The following YTHDC2 variants were observed in gnomAD, a reference collection of about 807,000 sequenced individuals.
YTHDC2 encodes the protein 3'-5' RNA helicase YTHDC2.
YTHDC2 carries 45 observed loss-of-function variants against 174.9 expected under a neutral mutation model. That is an observed-to-expected ratio of 0.26 (90% CI 0.20 to 0.33). The LOEUF is 0.33. YTHDC2 is among the 10% of genes least tolerant of loss of function. The probability of loss-of-function intolerance (pLI) is 1.00; values close to 1 mark genes in which losing one functional copy is unlikely to be tolerated. For missense variants in YTHDC2, 1,650 were observed against 1,723.7 expected, an observed-to-expected ratio of 0.96 and a Z score of 0.76; for synonymous variants, 657 against 574.5, an observed-to-expected ratio of 1.14 and a Z score of -2.05.
chr5:113,589,417 ATATATATATATATATG>A (rs1041547358), intron 26 of YTHDC2, among the ~76,000 whole-genome samples: 4 of 140,694 alleles, frequency 2.8e-5, no homozygotes, highest in African/African-American at 1.1e-4. Flanking sequence ...AAATATATAT[ATATATATATATATATG>A]TATATATATC....
intron 25 of YTHDC2, 107 bp downstream of exon 25, chr5:113,581,816 A>C: frequency 1.0e-6 from 1 of 986,030 alleles, no homozygotes; most frequent in Non-Finnish European, 1.4e-6. Context: ...ACTTTTTTAT[A>C]ATCTAAGATC....
intron 10 of YTHDC2, among the ~76,000 whole-genome samples, chr5:113,545,530 T>A (rs1303113526): frequency 1.3e-4 from 19 of 151,838 alleles, no homozygotes; most frequent in Admixed American, 1.2e-3. Flanking sequence ...TAGATACTTC[T>A]AATATGCCCC....
chr5:113,526,434 C>T, intron 3 of YTHDC2, 152 bp from the exon 4 acceptor site: 2 of 497,348 alleles, frequency 4.0e-6, no homozygotes, highest in South Asian at 8.1e-5. Flanking sequence ...TTTATGTAGA[C>T]TGAGTAGAGA....
At chr5:113,543,137 C>G (rs1775603263) in intron 10 of YTHDC2, among the ~76,000 whole-genome samples, 1 of 152,166 alleles carries the variant, frequency 6.6e-6, no homozygotes, top group Non-Finnish European at 1.5e-5. Flanking sequence ...TGACCCCTAA[C>G]TTTACATCTC....
chr5:113,589,425 A>ATG (rs1778889256), intron 26 of YTHDC2, among the ~76,000 whole-genome samples: 3 of 142,884 alleles, frequency 2.1e-5, no homozygotes, highest in African/African-American at 7.9e-5. Flanking sequence ...ATATATATAT[A>ATG]TATATATGTA....
intron 2 of YTHDC2, among the ~76,000 whole-genome samples, chr5:113,515,769 A>G (rs551164022): frequency 6.6e-6 from 1 of 152,338 alleles, no homozygotes; most frequent in South Asian, 2.1e-4. Flanking sequence ...AGAACAATGA[A>G]TTTATTTAAA....
At chr5:113,541,882 A>G (rs550032460) in intron 9 of YTHDC2, among the ~76,000 whole-genome samples, 35 of 152,194 alleles carry the variant, frequency 2.3e-4, no homozygotes, top group African/African-American at 8.2e-4. Context: ...ATGGAACAGC[A>G]TTTTGACCAT....
In YTHDC2 at chr5:113,584,422, AGACAGCAGT is replaced by A. The variant is rs1778565152; in HGVS notation, c.3769_3777del (p.Asp1257_Ser1259del). On this transcript the variant is annotated inframe_deletion, in exon 26 of 30. Coordinates refer to ENST00000161863, the MANE Select transcript of YTHDC2 (RefSeq NM_022828.5). ...CAGATCAGTCTTCTCTGAAATCTAC[AGACAGCAGT>A]AGTTACCCAAGTCCTTGTGCTAGTC... The A allele has an allele frequency of 6.2e-7, 1 of 1,613,722 alleles. No individual in the cohort carries two copies. The highest frequency in any genetic ancestry group is 1.1e-5 in the South Asian group (1 of 91,048).
intron 23 of YTHDC2, among the ~76,000 whole-genome samples, chr5:113,571,108 C>G (rs968663409): frequency 6.6e-6 from 1 of 152,164 alleles, no homozygotes; most frequent in African/African-American, 2.4e-5. Context: ...ATGATACTGG[C>G]TGTGGGTTTG....
chr5:113,536,634 A>T (rs1775095581), intron 7 of YTHDC2, among the ~76,000 whole-genome samples: 1 of 152,142 alleles, frequency 6.6e-6, no homozygotes, highest in Admixed American at 6.6e-5. Flanking sequence ...TCCATGTCCT[A>T]CTTTTCTGAT....
At chr5:113,570,297 A>G (rs1215955777) in intron 23 of YTHDC2, among the ~76,000 whole-genome samples, 3 of 151,980 alleles carry the variant, frequency 2.0e-5, no homozygotes. Context: ...GGGTCTCACC[A>G]TGTTGGGCAG....
chr5:113,537,353 C>T (rs990865518), intron 7 of YTHDC2, among the ~76,000 whole-genome samples: 4 of 128,638 alleles, frequency 3.1e-5, no homozygotes, highest in African/African-American at 1.4e-4. Context: ...TTATGGTTGG[C>T]TCTCTCTCTT....
chr5:113,516,346 T>C (rs888397801), intron 2 of YTHDC2, among the ~76,000 whole-genome samples: 2 of 152,136 alleles, frequency 1.3e-5, no homozygotes, highest in East Asian at 1.9e-4. Context: ...CAGGAGGAAA[T>C]TGTTTTGTTT....
intron 25 of YTHDC2, chr5:113,582,506 T>A (rs1196905259): frequency 6.6e-6 from 1 of 152,216 alleles, no homozygotes; most frequent in Non-Finnish European, 1.5e-5. Context: ...AAAACATTTG[T>A]TAGAATCAAA....
intron 26 of YTHDC2, among the ~76,000 whole-genome samples, chr5:113,587,511 A>ATATATAATATATAT (rs1778754081): frequency 7.4e-6 from 1 of 134,964 alleles, no homozygotes; most frequent in Non-Finnish European, 1.5e-5. Flanking sequence ...TAATGTATTT[A>ATATATAATATATAT]TATGTAATAT....
rs1778178332 is a variant in YTHDC2 at position 113,578,136 on chromosome 5, A to G, written c.3245-1450A>G. ...ATTGATTATAATGTTAATTTTAATA[A>G]AAGTGTCCCTTTTAAATAACGGAAT... On this transcript the variant is annotated intron_variant, in intron 23 of 29. Coordinates refer to ENST00000161863, the MANE Select transcript of YTHDC2 (RefSeq NM_022828.5). Among the ~76,000 whole-genome samples the G allele has an allele frequency of 2.6e-5, 4 of 152,240 alleles. No individual in the cohort carries two copies. The South Asian group carries it at 8.3e-4, about 32-fold the overall frequency.
intron 4 of YTHDC2, among the ~76,000 whole-genome samples, chr5:113,531,364 G>A (rs1172100694): frequency 7.9e-5 from 12 of 152,092 alleles, no homozygotes; most frequent in East Asian, 1.9e-4. Context: ...ATCAGCCAGC[G>A]AAGCTCACAT....
rs1400162646 is a variant in YTHDC2 at position 113,535,738 on chromosome 5, A to G, written c.1042A>G (p.Ser348Gly). Residue 348 changes from serine (S) to glycine (G), a missense_variant, in exon 7 of 30, where the codon AGT becomes GGT. Transcript: ENST00000161863. ...CCCAACTTTGAAACTAATTCTTTCT[A>G]GTGCTGCCTTGGATGTAAATCTCTT... Reference protein sequence around the residue: ...KHPTLKLILSSAALDVNLFIR... With the variant: ...KHPTLKLILSGAALDVNLFIR... 3 of 1,613,746 alleles carry G rather than the reference A, an allele frequency of 1.9e-6. No individual in the cohort carries two copies. The South Asian group carries it at 3.3e-5, about 18-fold the overall frequency.
rs1276345429 is a variant in YTHDC2, at chr5:113,525,169, T to G, written c.467T>G (p.Val156Gly). The G allele has an allele frequency of 1.3e-6, 2 of 1,593,938 alleles. No homozygotes were observed. Among genetic ancestry groups the G allele is most frequent in the Non-Finnish European group, 1.7e-6 (2 of 1,172,426 alleles). The change falls in exon 3 of 30, where the codon GTT becomes GGT. Residue 156 changes from valine to glycine, a missense_variant. Coordinates refer to ENST00000161863, the MANE Select transcript of YTHDC2 (RefSeq NM_022828.5). ...PKTERGNVFA[V>G]EAENREMSKT... Reference sequence around the variant, plus strand: ...ACAGAAAGAGGAAATGTGTTTGCAGTTGAAGCTGGTATGTATTTTCTGGGG... The same window carrying G: ...ACAGAAAGAGGAAATGTGTTTGCAGGTGAAGCTGGTATGTATTTTCTGGGG...
Sources: allele counts gnomAD v4.1 joint callset (sites outside exome capture counted in the v4.1 genomes callset), GRCh38; gene constraint gnomAD v4.1.1; transcripts MANE v1.5; gene names NCBI Gene and HGNC (gene_info 2026-07-23, HGNC 2026-07-21).